Variants in MMP17 observed in about 807,000 individuals in gnomAD.
MMP17 encodes matrix metalloproteinase-17.
In MMP17, 54 loss-of-function variants were observed where a neutral mutation model predicts 49.1. The observed-to-expected ratio is 1.10, with a 90% CI of 0.88 to 1.38. The LOEUF is 1.38. MMP17 is among the 40% of genes most tolerant of loss of function. The pLI is 0.00. For synonymous variants in MMP17, 397 were observed against 383.1 expected (o/e 1.04, Z -0.42); for missense variants, 837 against 853.7 (o/e 0.98, Z 0.24).
At chr12:131,831,832 GGGGGAC>G (rs1886818638) in intron 1 of MMP17, among the ~76,000 whole-genome samples, 3 of 64,960 alleles carry the variant, frequency 4.6e-5, no homozygotes, top group Non-Finnish European at 6.2e-5. Context: ...AGGATCTGGG[GGGGGAC>G]GGGAAGGGGG....
chr12:131,829,490 T>C (rs1314233372), intron 1 of MMP17, among the ~76,000 whole-genome samples: 1 of 152,150 alleles, frequency 6.6e-6, no homozygotes, highest in African/African-American at 2.4e-5. Context: ...GAACTCCCGC[T>C]GGGTTCGTTG....
chr12:131,834,675 CCTGAG>C (rs1334187943), intron 1 of MMP17, among the ~76,000 whole-genome samples: 2 of 152,036 alleles, frequency 1.3e-5, no homozygotes, highest in Non-Finnish European at 2.9e-5. Context: ...CCACATTTGC[CCTGAG>C]CTGCTGGCTG....
At chr12:131,832,889 CCACCACCGTGAGCATGTGAG>C (rs1219938651) in intron 1 of MMP17, among the ~76,000 whole-genome samples, 2 of 152,326 alleles carry the variant, frequency 1.3e-5, no homozygotes, top group East Asian at 3.9e-4. Context: ...CTTGCTGTCC[CCACCACCGTGAGCATGTGAG>C]CACCGCCCCA....
rs1241696167 is a variant in MMP17, at chr12:131,845,205, C to A, written c.1051+5C>A. The A allele has an allele frequency of 1.9e-6, 3 of 1,614,046 alleles. No homozygotes were observed. The Admixed American group carries it at 5.0e-5, about 27-fold the overall frequency. ...GTGAAGCTTTCTTCTTCAAAGGTAC[C>A]TCCAGGGTTCCCGTGGCGGTTGGCT... On this transcript the variant is annotated splice_donor_5th_base_variant and intron_variant, in intron 7 of 9. Coordinates refer to ENST00000360564, the MANE Select transcript of MMP17 (RefSeq NM_016155.7).
At position 131,850,953 on chromosome 12, in the gene MMP17, G is replaced by A. The variant is rs771659617; in HGVS notation, c.1491G>A (p.Glu497=). 13 of 1,515,738 alleles carry A rather than the reference G, an allele frequency of 8.6e-6. No homozygotes were observed. Among genetic ancestry groups the A allele is most frequent in the Non-Finnish European group, 1.1e-5 (12 of 1,132,800 alleles). 93.9% of individuals were successfully genotyped at this position (1,515,738 alleles called of 1,614,324 possible). A position where few individuals can be genotyped will look rare whatever the true frequency, so the allele number is the denominator to read the frequency against. The change falls in exon 10 of 10, where the codon GAG becomes GAA. Residue 497 remains glutamate (E), a synonymous_variant. Transcript: ENST00000360564. ...DGASYFFRGQ[E]YWKVLDGELE... is the part of the protein sequence containing the mutation. ...CCTCCTACTTCTTCCGTGGCCAGGA[G>A]TACTGGAAAGTGCTGGATGGCGAGC...
At position 131,838,491 on chromosome 12, in the gene MMP17, G is replaced by T; in HGVS notation, c.293-121G>T. 3 of 1,460,488 alleles carry T rather than the reference G, an allele frequency of 2.1e-6. No homozygotes were observed. In the Admixed American group the frequency reaches 7.5e-5, roughly 36 times the overall value. The allele number at this position is 1,460,488 out of a possible 1,614,324, so 90.5% of individuals were successfully genotyped here. On this transcript the variant is annotated intron_variant, in intron 2 of 9. Transcript: ENST00000360564. The stretch of plus-strand genomic sequence containing the variant: ...GGGGCTGGTCCCCCAAAGATGACGT[G>T]GGAGGAGGGGGCGGCTCGGAGGCTG...
At position 131,849,971 on chromosome 12, in the gene MMP17, G is replaced by C. The variant is rs750337417; in HGVS notation, c.1374G>C (p.Thr458=). Residue 458 remains threonine, a synonymous_variant, in exon 9 of 10, where the codon ACG becomes ACC. Coordinates refer to ENST00000360564, the MANE Select transcript of MMP17 (RefSeq NM_016155.7). ...TGTACTGGCGCTACGATGACCACACGAGGCACATGGACCCCGGCTACCCCG... is the reference window on the plus strand; with the variant it reads ...TGTACTGGCGCTACGATGACCACACCAGGCACATGGACCCCGGCTACCCCG... The part of the protein sequence containing the change: ...DQLYWRYDDH[T]RHMDPGYPAQ... The C allele has an allele frequency of 1.2e-6, 2 of 1,613,778 alleles. No homozygotes were observed. The highest frequency in any genetic ancestry group is 1.7e-6 in the Non-Finnish European group (2 of 1,179,978).
Position 131,851,147 on chromosome 12 carries a change from C to T in MMP17, c.1685C>T (p.Ser562Leu), listed in dbSNP as rs1031809196. The T allele has an allele frequency of 7.0e-6, 11 of 1,561,894 alleles. No homozygotes were observed. In the African/African-American group the frequency reaches 1.5e-4, roughly 21 times the overall value. ...TCGGAGGACGGTTACGAGGTCTGCT[C>T]ATGCACCTCTGGGGCATCCTCTCCC... Reference protein sequence around the residue: ...SRSEDGYEVCSCTSGASSPPG... With the variant: ...SRSEDGYEVCLCTSGASSPPG... Residue 562 changes from serine to leucine, a missense_variant, in exon 10 of 10, where the codon TCA becomes TTA. Physicochemically the swap from Ser to Leu is moderately radical, Grantham distance 145 (BLOSUM62 -2). Coordinates refer to ENST00000360564, the MANE Select transcript of MMP17 (RefSeq NM_016155.7).
Position 131,851,491 on chromosome 12 carries a change from G to T in MMP17, c.*217G>T. Reference sequence around the variant, plus strand: ...CTAGTGAGGGACTGTGTTGACTGACGAGCCGAGGGGTGGCCGCTCCAGAAG... The same window carrying T: ...CTAGTGAGGGACTGTGTTGACTGACTAGCCGAGGGGTGGCCGCTCCAGAAG... On this transcript the variant is annotated 3_prime_UTR_variant, in exon 10 of 10. Transcript: ENST00000360564. 2.4e-6 allele frequency: 1 copy of T among 416,354 alleles called. No homozygotes were observed. The highest frequency in any genetic ancestry group is 2.0e-5 in the African/African-American group (1 of 49,024). 25.8% of individuals were successfully genotyped at this position (416,354 alleles called of 1,614,324 possible).
intron 1 of MMP17, among the ~76,000 whole-genome samples, chr12:131,836,665 A>G (rs960238128): frequency 5.4e-5 from 6 of 110,354 alleles, no homozygotes; most frequent in African/African-American, 7.6e-5. Flanking sequence ...AGCATTTTCT[A>G]AATGTCCAGA....
At chr12:131,834,103 C>A (rs987697866) in intron 1 of MMP17, among the ~76,000 whole-genome samples, 1 of 152,102 alleles carries the variant, frequency 6.6e-6, no homozygotes, top group Non-Finnish European at 1.5e-5. Flanking sequence ...CCTGCCTGTG[C>A]CCCCCAGGGC....
At chr12:131,849,750 C>T (rs897891102) in intron 8 of MMP17, 52 bp from the exon 9 acceptor site, 41 of 1,562,072 alleles carry the variant, frequency 2.6e-5, no homozygotes, top group Non-Finnish European at 3.5e-5. Context: ...GAGCCTCCTG[C>T]CCTTCGGGGT....
rs753527054 is a variant in MMP17, at chr12:131,838,263, G to C, written c.228G>C (p.Glu76Asp). The change falls in exon 2 of 10, where the codon GAG becomes GAC. Residue 76 changes from glutamate to aspartate, a missense_variant. By Grantham distance (45) the Glu-to-Asp change is conservative (BLOSUM62 2). Coordinates refer to ENST00000360564, the MANE Select transcript of MMP17 (RefSeq NM_016155.7). ...CAACAGGGCAGCTGCAGACGCAAGA[G>C]GAGCTGTCTAAGGCCATCACAGCCA... ...DPTTGQLQTQ[E>D]ELSKAITAMQ... 2 of 1,613,194 alleles carry C rather than the reference G, an allele frequency of 1.2e-6. No homozygotes were observed. Among genetic ancestry groups the C allele is most frequent in the African/African-American group, 2.7e-5 (2 of 74,938 alleles).
In MMP17 at chr12:131,849,970, C is replaced by G. The variant is rs149877702; in HGVS notation, c.1373C>G (p.Thr458Arg). 119 of 1,613,938 alleles carry G rather than the reference C, an allele frequency of 7.4e-5. No individual in the cohort carries two copies. In the African/African-American group the frequency reaches 1.4e-3, roughly 19 times the overall value. Residue 458 changes from threonine (T) to arginine (R), a missense_variant, in exon 9 of 10, where the codon ACG becomes AGG. Transcript: ENST00000360564. ...DQLYWRYDDH[T>R]RHMDPGYPAQ... ...CTGTACTGGCGCTACGATGACCACA[C>G]GAGGCACATGGACCCCGGCTACCCC...
In MMP17 at chr12:131,845,389, C is replaced by G. The variant is rs138124605; in HGVS notation, c.1144C>G (p.Leu382Val). 21 of 1,595,430 alleles carry G rather than the reference C, an allele frequency of 1.3e-5. No individual in the cohort carries two copies. In the African/African-American group the frequency reaches 2.8e-4, roughly 21 times the overall value. Residue 382 changes from leucine to valine, a missense_variant, in exon 8 of 10, where the codon CTG (leucine) becomes GTG (valine). Leu to Val is a conservative substitution (Grantham distance 32, BLOSUM62 1). Coordinates refer to ENST00000360564, the MANE Select transcript of MMP17 (RefSeq NM_016155.7). ...CTTCTGGCGGGGCCTGCCGCTGCAC[C>G]TGGACAGCGTGGACGCCGTGTACGA... ...HRFWRGLPLHLDSVDAVYERT... is the reference protein window; with the variant it reads ...HRFWRGLPLHVDSVDAVYERT...
intron 2 of MMP17, 129 bp downstream of exon 2, chr12:131,838,456 C>G (rs1887198375): frequency 6.9e-7 from 1 of 1,456,334 alleles, no homozygotes; most frequent in Non-Finnish European, 9.1e-7. Context: ...CCTGGTGTAG[C>G]TCAGAGCCTG....
At position 131,844,080 on chromosome 12, in the gene MMP17, C is replaced by T. The variant is rs1342323354; in HGVS notation, c.967C>T (p.Pro323Ser). Residue 323 changes from proline (P) to serine (S), a missense_variant and splice_region_variant, in exon 6 of 10, where the codon CCG becomes TCG. Coordinates refer to ENST00000360564, the MANE Select transcript of MMP17 (RefSeq NM_016155.7). The stretch of plus-strand genomic sequence containing the variant: ...GCCCCCAGACAACCGGTCCAGCGCC[C>T]CGTAAGCCCTGGGCCCACGGTCACC... ...PEPPDNRSSA[P>S]PRKDVPHRCS... 11 of 1,556,452 alleles carry T rather than the reference C, an allele frequency of 7.1e-6. No individual in the cohort carries two copies. The highest frequency in any genetic ancestry group is 8.7e-6 in the Non-Finnish European group (10 of 1,153,858).
At chr12:131,837,097 C>T (rs1887121718) in intron 1 of MMP17, among the ~76,000 whole-genome samples, 1 of 152,210 alleles carries the variant, frequency 6.6e-6, no homozygotes, top group East Asian at 1.9e-4. Context: ...TTGCACCCAC[C>T]CCAGTGGGCC....
chr12:131,850,552 A>T (rs1376494839), intron 9 of MMP17, among the ~76,000 whole-genome samples: 1 of 152,130 alleles, frequency 6.6e-6, no homozygotes, highest in Admixed American at 6.5e-5. Context: ...CCCTGCACAG[A>T]GTGGGCCCTC....
Sources: gnomAD v4.1 joint callset for allele counts (sites outside exome capture counted in the v4.1 genomes callset) on GRCh38, gnomAD v4.1.1 for gene constraint, MANE v1.5 for transcripts, NCBI Gene and HGNC (gene_info 2026-07-23, HGNC 2026-07-21) for gene names.